Variants in HIVEP2 observed in about 807,000 individuals in gnomAD.
The protein encoded by HIVEP2 is transcription factor HIVEP2.
A neutral mutation model predicts 180.7 loss-of-function variants in HIVEP2; 14 were observed. The ratio of observed to expected loss-of-function variants is 0.08; its 90% CI spans 0.05 to 0.12. HIVEP2 has a LOEUF of 0.12. Ranked by LOEUF, HIVEP2 falls within the 10% of genes least tolerant of loss-of-function variation. The pLI, the probability that HIVEP2 is intolerant of heterozygous loss-of-function variation, is 1.00. For synonymous variants in HIVEP2, 1,184 were observed against 1,136.4 expected, an observed-to-expected ratio of 1.04 and a Z score of -0.84; for missense variants, 2,579 against 3,008.5, an observed-to-expected ratio of 0.86 and a Z score of 3.34.
chr6:142,793,622 CTCTTTCTT>C (rs753217978), intron 2 of HIVEP2, among the ~76,000 whole-genome samples: 3 of 50,350 alleles, frequency 6.0e-5, no homozygotes, highest in Middle Eastern at 0.015. Flanking sequence ...ATCCTTCCTT[CTCTTTCTT>C]TCTTTCTTTC....
intron 1 of HIVEP2, among the ~76,000 whole-genome samples, chr6:142,840,199 T>G (rs1002822325): frequency 6.6e-6 from 1 of 152,172 alleles, no homozygotes; most frequent in Non-Finnish European, 1.5e-5. Context: ...CTTGACAAGT[T>G]ATACGCCCAA....
At chr6:142,903,890 C>T (rs937153121) in intron 1 of HIVEP2, among the ~76,000 whole-genome samples, 9 of 152,036 alleles carry the variant, frequency 5.9e-5, no homozygotes, top group African/African-American at 2.2e-4. Context: ...AAAAAAAATT[C>T]CATCTTAGTA....
chr6:142,870,458 C>T (rs1449987222), intron 1 of HIVEP2, among the ~76,000 whole-genome samples: 1 of 152,080 alleles, frequency 6.6e-6, no homozygotes, highest in African/African-American at 2.4e-5. Flanking sequence ...ACAATAGGGC[C>T]TCTCCTTCTT....
Position 142,771,757 on chromosome 6 carries a change from A to C in HIVEP2, c.2982T>G (p.Leu994=). Residue 994 remains leucine, a synonymous_variant, in exon 5 of 10, where the codon CTT becomes CTG. Transcript: ENST00000367603. This position sits in a 1 kb window ranked among gnomAD's most constrained non-coding sequence, Gnocchi z 5.4. ...GCTTCCCAAACTCATCCTGCTTAGGAAGTGCAGAAAGCTTACTGGTTTCTT... is the reference window on the plus strand; with the variant it reads ...GCTTCCCAAACTCATCCTGCTTAGGCAGTGCAGAAAGCTTACTGGTTTCTT... ...EREETSKLSA[L]PKQDEFGKHS... is the part of the protein sequence containing the mutation. 1 of 1,614,188 alleles carries C rather than the reference A, an allele frequency of 6.2e-7. No homozygotes were observed. Among genetic ancestry groups the C allele is most frequent in the Non-Finnish European group, 8.5e-7 (1 of 1,180,044 alleles).
intron 2 of HIVEP2, among the ~76,000 whole-genome samples, chr6:142,825,772 G>A (rs1774878594): frequency 6.6e-6 from 1 of 152,092 alleles, no homozygotes; most frequent in African/African-American, 2.4e-5. Context: ...TCCAGAAAAT[G>A]TTAACTAATT....
intron 1 of HIVEP2, among the ~76,000 whole-genome samples, chr6:142,847,495 T>C (rs1304330843): frequency 6.6e-6 from 1 of 152,116 alleles, no homozygotes; most frequent in East Asian, 1.9e-4. Flanking sequence ...ACTGCTGCTA[T>C]GGTAGTGGGA....
chr6:142,819,416 G>A (rs1426177827), intron 2 of HIVEP2, among the ~76,000 whole-genome samples: 1 of 152,068 alleles, frequency 6.6e-6, no homozygotes, highest in Non-Finnish European at 1.5e-5. Context: ...AGGCTATGAA[G>A]CAAGAATCTA....
intron 1 of HIVEP2, among the ~76,000 whole-genome samples, chr6:142,864,494 GA>G (rs1582923997): frequency 2.0e-5 from 3 of 152,048 alleles, no homozygotes; most frequent in East Asian, 3.8e-4. Flanking sequence ...GTGACTTAGC[GA>G]AAAATAATAA....
rs1263883676 is a variant in HIVEP2, at chr6:142,752,144, A to G, written c.*963T>C. 6.6e-6 allele frequency: 1 copy of G among 152,650 alleles called. No individual in the cohort carries two copies. The highest frequency in any genetic ancestry group is 1.5e-5 in the Non-Finnish European group (1 of 68,048). The allele number at this position is 152,650 out of a possible 1,614,324, so 9.5% of individuals were successfully genotyped here. A position where few individuals can be genotyped will look rare whatever the true frequency, so the allele number is the denominator to read the frequency against. The stretch of plus-strand genomic sequence containing the variant: ...AGACACCTAGCATAGGTCTGTGGCA[A>G]CCTAGTGTCCAACTGAGTTACATAA... On this transcript the variant is annotated 3_prime_UTR_variant, in exon 10 of 10. Transcript: ENST00000367603.
At chr6:142,879,179 T>C (rs907443422) in intron 1 of HIVEP2, among the ~76,000 whole-genome samples, 12 of 152,140 alleles carry the variant, frequency 7.9e-5, no homozygotes, top group Non-Finnish European at 5.9e-5. Context: ...GGGTACTCAG[T>C]GAAGCTTTTA....
chr6:142,895,043 A>C (rs1776948709), intron 1 of HIVEP2, among the ~76,000 whole-genome samples: 2 of 152,252 alleles, frequency 1.3e-5, no homozygotes, highest in Admixed American at 1.3e-4. Context: ...CTCCATGACC[A>C]AAAATATCAC....
chr6:142,857,819 T>G (rs1416105013), intron 1 of HIVEP2, among the ~76,000 whole-genome samples: 1 of 152,208 alleles, frequency 6.6e-6, no homozygotes, highest in African/African-American at 2.4e-5. Context: ...GGACTCCCCT[T>G]TGTTAAGACT....
At chr6:142,901,847 C>T (rs781007762) in intron 1 of HIVEP2, among the ~76,000 whole-genome samples, 24 of 152,040 alleles carry the variant, frequency 1.6e-4, no homozygotes, top group Non-Finnish European at 2.6e-4. Flanking sequence ...CTGAATCTAT[C>T]GGTTTGAAAA....
chr6:142,872,484 T>C (rs1469234453), intron 1 of HIVEP2, among the ~76,000 whole-genome samples: 1 of 152,198 alleles, frequency 6.6e-6, no homozygotes, highest in Non-Finnish European at 1.5e-5. Context: ...AAATATAAGT[T>C]GATGCCATCT....
At chr6:142,794,969 AT>A (rs1776248033) in intron 2 of HIVEP2, among the ~76,000 whole-genome samples, 1 of 152,202 alleles carries the variant, frequency 6.6e-6, no homozygotes, top group Admixed American at 6.5e-5. Context: ...TGTCATTTTG[AT>A]TAACCAATTA....
Position 142,772,932 on chromosome 6 carries a change from C to T in HIVEP2, c.1807G>A (p.Glu603Lys). The T allele has an allele frequency of 6.2e-7, 1 of 1,614,186 alleles. No individual in the cohort carries two copies. The highest frequency in any genetic ancestry group is 8.5e-7 in the Non-Finnish European group (1 of 1,180,036). ...QAAFELPSVQ[E>K]GHVEVEHHGR... ...TGGTGCTCGACTTCCACGTGGCCCT[C>T]CTGTACCGAAGGCAGCTCAAATGCC... Residue 603 changes from glutamate to lysine, a missense_variant, in exon 5 of 10, where the codon GAG becomes AAG. Glu to Lys is a moderately conservative substitution (Grantham distance 56, BLOSUM62 1). Transcript: ENST00000367603. The surrounding 1 kb of genome is among the most constrained non-coding windows in gnomAD (Gnocchi z 4.9).
chr6:142,934,715 A>C (rs1345134419), intron 1 of HIVEP2, among the ~76,000 whole-genome samples: 3 of 152,232 alleles, frequency 2.0e-5, no homozygotes, highest in African/African-American at 7.2e-5. Flanking sequence ...TCCATAAAGT[A>C]CTGGACCAGC....
rs571877020 is a variant in HIVEP2 at position 142,757,409 on chromosome 6, C to T, written c.6516+2363G>A. Among the ~76,000 whole-genome samples, 9 of 152,228 alleles carry T rather than the reference C, an allele frequency of 5.9e-5. No individual in the cohort carries two copies. The East Asian group carries it at 1.7e-3, about 29-fold the overall frequency. On this transcript the variant is annotated intron_variant, in intron 9 of 9. Coordinates refer to ENST00000367603, the MANE Select transcript of HIVEP2 (RefSeq NM_006734.4). ...GGTGCGATGGCTCACACCTGTAATC[C>T]CAGCACTTTGGGAGGCCGAGGCAGG...
chr6:142,771,148 T>A lies in HIVEP2; in HGVS notation c.3591A>T (p.Pro1197=). The change falls in exon 5 of 10, where the codon CCA becomes CCT. Residue 1197 remains proline (P), a synonymous_variant. Transcript: ENST00000367603. This position sits in a 1 kb window ranked among gnomAD's most constrained non-coding sequence, Gnocchi z 5.4. ...ACAAGGCATTCTGGATTGGAGAAAA[T>A]GGAATTGTCTCTTGATGTGGAAATA... The part of the protein sequence containing the change: ...PHLFPHQETI[P]FSPIQNALFQ... 6.2e-7 allele frequency: 1 copy of A among 1,614,106 alleles called. No homozygotes were observed. Among genetic ancestry groups the A allele is most frequent in the South Asian group, 1.1e-5 (1 of 91,070 alleles).
Sources: allele counts gnomAD v4.1 joint callset (sites outside exome capture counted in the v4.1 genomes callset), GRCh38; gene constraint gnomAD v4.1.1; non-coding constraint Gnocchi (gnomAD v3.1); transcripts MANE v1.5; gene names NCBI Gene and HGNC (gene_info 2026-07-23, HGNC 2026-07-21).